Variants in PPP1R1C observed in about 807,000 individuals in gnomAD.
PPP1R1C encodes the protein protein phosphatase 1 regulatory subunit 1C.
A neutral mutation model predicts 17.4 loss-of-function variants in PPP1R1C; 15 were observed. The ratio of observed to expected loss-of-function variants is 0.86; its 90% CI spans 0.58 to 1.33. The LOEUF is 1.33. PPP1R1C is among the 40% of genes most tolerant of loss of function. The pLI, the probability that PPP1R1C is intolerant of heterozygous loss-of-function variation, is 0.00. For synonymous variants in PPP1R1C, 35 were observed against 43.1 expected (o/e 0.81, Z 0.73); for missense variants, 143 against 130.0 (o/e 1.10, Z -0.48).
chr2:181,997,121 C>T (rs1008312804), intron 2 of PPP1R1C, among the ~76,000 whole-genome samples: 3 of 151,848 alleles, frequency 2.0e-5, no homozygotes, highest in African/African-American at 4.8e-5. Flanking sequence ...CCCAGCTACT[C>T]CGGAGGCTGA....
At chr2:182,099,973 G>T (rs1689049852) in intron 4 of PPP1R1C, among the ~76,000 whole-genome samples, 2 of 143,272 alleles carry the variant, frequency 1.4e-5, no homozygotes. Flanking sequence ...ATAGGGAGAC[G>T]ATTAGAGACT....
At chr2:181,985,539 T>C (rs923225331), upstream of PPP1R1C, among the ~76,000 whole-genome samples, 2 of 152,200 alleles carry the variant, frequency 1.3e-5, no homozygotes, top group African/African-American at 4.8e-5. The surrounding 1 kb of genome is among the most constrained non-coding windows in gnomAD (Gnocchi z 4.1). Flanking sequence ...CATTCAACTG[T>C]TTCGTGGCTG....
intron 5 of PPP1R1C, among the ~76,000 whole-genome samples, chr2:182,128,188 T>C (rs1303714224): frequency 6.6e-6 from 1 of 152,128 alleles, no homozygotes; most frequent in Non-Finnish European, 1.5e-5. Context: ...CATGGGTGTA[T>C]ATTTTAGTGT....
At chr2:182,004,065 T>A (rs1685846372) in intron 2 of PPP1R1C, among the ~76,000 whole-genome samples, 1 of 152,184 alleles carries the variant, frequency 6.6e-6, no homozygotes, top group African/African-American at 2.4e-5. Flanking sequence ...GCGTGCCATA[T>A]ACCTAGTTAA....
At position 182,071,311 on chromosome 2, in the gene PPP1R1C, TA is replaced by T. The variant is rs557628043; in HGVS notation, c.241+7521del. Among the ~76,000 whole-genome samples, 347 of 152,308 alleles carry T rather than the reference TA, an allele frequency of 2.3e-3. 2 individuals are homozygous for T. Among genetic ancestry groups the T allele is most frequent in the African/African-American group, 7.8e-3 (323 of 41,564 alleles). On this transcript the variant is annotated intron_variant, in intron 4 of 4. Transcript: ENST00000682840. ...CTTAAACGTTTTGAGGAATACTGGT[TA>T]GGTATTTTCTAGAATATCCCTGTAC...
rs568692839 is a variant in PPP1R1C at position 182,047,657 on chromosome 2, C to T, written c.143-13785C>T. Among the ~76,000 whole-genome samples the T allele has an allele frequency of 2.0e-5, 3 of 152,198 alleles. No individual in the cohort carries two copies. In the East Asian group the frequency reaches 5.8e-4, roughly 29 times the overall value. On this transcript the variant is annotated intron_variant, in intron 2 of 4. Coordinates refer to ENST00000682840, the MANE Select transcript of PPP1R1C (RefSeq NM_001080545.3). ...AAAAATCACTACTGATAAGATGATG[C>T]AATAGTTCTTTGGCTCTCATATAAA...
chr2:182,096,758 A>T (rs1389869772), intron 4 of PPP1R1C, among the ~76,000 whole-genome samples: 1 of 152,134 alleles, frequency 6.6e-6, no homozygotes, highest in Non-Finnish European at 1.5e-5. Flanking sequence ...CAAAACCCTG[A>T]TTCCTGTCCT....
chr2:182,122,828 G>GT (rs1349380276), intron 5 of PPP1R1C, among the ~76,000 whole-genome samples: 2 of 152,062 alleles, frequency 1.3e-5, no homozygotes, highest in South Asian at 2.1e-4. Flanking sequence ...AGTTGTCTCT[G>GT]TTTTTTCCTG....
chr2:182,000,871 G>A (rs754386983), intron 2 of PPP1R1C, among the ~76,000 whole-genome samples: 1 of 152,134 alleles, frequency 6.6e-6, no homozygotes, highest in African/African-American at 2.4e-5. Context: ...AAAATTTAAT[G>A]TGGATGGAAA....
chr2:182,051,154 G>C (rs977263099), intron 2 of PPP1R1C, among the ~76,000 whole-genome samples: 1 of 152,222 alleles, frequency 6.6e-6, no homozygotes, highest in Admixed American at 6.5e-5. Context: ...TAAAAGAAGT[G>C]GGGAAAGAAT....
At chr2:182,097,799 T>C (rs371666420) in intron 4 of PPP1R1C, among the ~76,000 whole-genome samples, 1 of 152,208 alleles carries the variant, frequency 6.6e-6, no homozygotes, top group East Asian at 1.9e-4. Context: ...GCTCTCTCAG[T>C]AAATCATTGC....
intron 4 of PPP1R1C, among the ~76,000 whole-genome samples, chr2:182,072,705 G>A (rs1688175748): frequency 6.6e-6 from 1 of 152,126 alleles, no homozygotes; most frequent in East Asian, 1.9e-4. Context: ...ATAGCTTGAT[G>A]GAAAATTTTT....
At chr2:181,972,633 G>A (rs535041305) in intron 1 of PPP1R1C, among the ~76,000 whole-genome samples, 3 of 152,186 alleles carry the variant, frequency 2.0e-5, no homozygotes, top group African/African-American at 7.2e-5. Flanking sequence ...AGGGTGGAAG[G>A]GTGCTCTGAG....
intron 2 of PPP1R1C, among the ~76,000 whole-genome samples, chr2:182,002,319 A>G (rs1685790688): frequency 6.6e-6 from 1 of 152,162 alleles, no homozygotes; most frequent in Admixed American, 6.5e-5. Context: ...CTTTAGTATG[A>G]AATTCCTTAT....
At chr2:182,090,920 C>T (rs1015982748) in intron 4 of PPP1R1C, among the ~76,000 whole-genome samples, 3 of 152,160 alleles carry the variant, frequency 2.0e-5, no homozygotes, top group African/African-American at 7.2e-5. Context: ...TAAAAATAGA[C>T]AATCTACTTC....
At chr2:182,039,250 T>A (rs1175039904) in intron 2 of PPP1R1C, among the ~76,000 whole-genome samples, 1 of 152,232 alleles carries the variant, frequency 6.6e-6, no homozygotes, top group Non-Finnish European at 1.5e-5. Context: ...TTATCATCTT[T>A]GATTGTTCCA....
chr2:182,026,818 G>T (rs1469243141), intron 2 of PPP1R1C, among the ~76,000 whole-genome samples: 1 of 150,442 alleles, frequency 6.6e-6, no homozygotes, highest in East Asian at 1.9e-4. Context: ...CCATTTTCAC[G>T]ATATTGATTC....
downstream of PPP1R1C, among the ~76,000 whole-genome samples, chr2:182,121,737 C>T (rs561290482): frequency 3.5e-4 from 53 of 152,098 alleles, no homozygotes; most frequent in Non-Finnish European, 6.6e-4. Context: ...ATCCTGACCT[C>T]ATAATCCGCC....
intron 4 of PPP1R1C, among the ~76,000 whole-genome samples, chr2:182,083,234 G>A (rs1416692033): frequency 2.0e-5 from 3 of 152,198 alleles, no homozygotes; most frequent in Non-Finnish European, 4.4e-5. Flanking sequence ...TAGGTTGAAA[G>A]TGAATTTTTT....
Sources: gnomAD v4.1 joint callset for allele counts (sites outside exome capture counted in the v4.1 genomes callset) on GRCh38, gnomAD v4.1.1 for gene constraint, Gnocchi (gnomAD v3.1) non-coding constraint, MANE v1.5 for transcripts, NCBI Gene and HGNC (gene_info 2026-07-23, HGNC 2026-07-21) for gene names.